Variants in PARG observed in about 807,000 individuals in gnomAD.
PARG encodes mitochondrial poly(ADP-ribose) glycohydrolase.
A neutral mutation model predicts 113.0 loss-of-function variants in PARG; 35 were observed. The observed-to-expected ratio is 0.31, with a 90% CI of 0.24 to 0.41. PARG has a LOEUF of 0.41. PARG is among the 10% of genes least tolerant of loss of function. The pLI is 1.00. For missense variants in PARG, 797 were observed against 1,169.4 expected (o/e 0.68, Z 4.64); for synonymous variants, 330 against 409.9 (o/e 0.81, Z 2.36).
intron 16 of PARG, among the ~76,000 whole-genome samples, chr10:49,823,490 T>C (rs538357043): frequency 6.0e-4 from 92 of 152,294 alleles, no homozygotes; most frequent in African/African-American, 2.2e-3. Flanking sequence ...GTGCCATGAC[T>C]ATGCCTCATT....
chr10:49,828,661 A>G (rs1405308545), intron 16 of PARG, among the ~76,000 whole-genome samples: 1 of 152,206 alleles, frequency 6.6e-6, no homozygotes, highest in Admixed American at 6.5e-5. Flanking sequence ...GAACTAATAT[A>G]TTAAAAATGT....
intron 15 of PARG, among the ~76,000 whole-genome samples, chr10:49,840,245 A>C (rs1348865962): frequency 1.1e-4 from 17 of 152,158 alleles, no homozygotes; most frequent in African/African-American, 4.1e-4. Context: ...AAAATTAGCC[A>C]GGTGTGGTGG....
At chr10:49,864,113 C>T (rs1464962459) in intron 11 of PARG, among the ~76,000 whole-genome samples, 148 of 151,460 alleles carry the variant, frequency 9.8e-4, no homozygotes, top group African/African-American at 3.4e-3. Context: ...TACGAAACAG[C>T]GGATCTGCCA....
intron 16 of PARG, among the ~76,000 whole-genome samples, chr10:49,822,052 A>T (rs1335696694): frequency 2.0e-5 from 3 of 152,202 alleles, no homozygotes; most frequent in Non-Finnish European, 4.4e-5. Context: ...TTTGAATTGT[A>T]TTAGAGGAAT....
chr10:49,876,734 C>G (rs1368214344), intron 9 of PARG, among the ~76,000 whole-genome samples: 1 of 151,418 alleles, frequency 6.6e-6, no homozygotes, highest in Admixed American at 6.6e-5. Context: ...AGTAAGAACT[C>G]AGAAACTGGC....
chr10:49,863,480 CA>C (rs1333611906), intron 11 of PARG, among the ~76,000 whole-genome samples: 1 of 60,244 alleles, frequency 1.7e-5, no homozygotes, highest in Non-Finnish European at 3.6e-5. Context: ...CACTTAGAGG[CA>C]AAGTTACTGT....
intron 4 of PARG, among the ~76,000 whole-genome samples, chr10:49,931,788 T>C (rs1436001351): frequency 1.3e-5 from 2 of 151,794 alleles, no homozygotes; most frequent in Non-Finnish European, 2.9e-5. Flanking sequence ...TGCAGGATTC[T>C]GCAGTCAGTA....
intron 12 of PARG, among the ~76,000 whole-genome samples, chr10:49,859,078 T>C (rs1425381158): frequency 1.8e-4 from 26 of 146,136 alleles, no homozygotes; most frequent in African/African-American, 6.6e-4. Flanking sequence ...GGGAGGAAGA[T>C]AGGAAAGCTT....
chr10:49,904,913 C>T (rs1305636514), intron 7 of PARG, among the ~76,000 whole-genome samples: 2 of 118,212 alleles, frequency 1.7e-5, no homozygotes, highest in Admixed American at 1.8e-4. Flanking sequence ...AAGAGAACAT[C>T]TCAAAAATAA....
chr10:49,920,463 A>AAAAAATATAT (rs1431747248), intron 6 of PARG, among the ~76,000 whole-genome samples: 1 of 47,986 alleles, frequency 2.1e-5, no homozygotes, highest in African/African-American at 5.0e-5. Flanking sequence ...AAAAAAAAAA[A>AAAAAATATAT]ATATATATAT....
chr10:49,895,404 A>G (rs1292639790), intron 7 of PARG, among the ~76,000 whole-genome samples: 1 of 151,456 alleles, frequency 6.6e-6, no homozygotes, highest in Non-Finnish European at 1.5e-5. Flanking sequence ...GGGAGAACTG[A>G]TATCTTTTTT....
rs782602800 is a variant in PARG, at chr10:49,832,922, G to T, written c.2542-14C>A. 31 of 1,437,130 alleles carry T rather than the reference G, an allele frequency of 2.2e-5. No homozygotes were observed. The highest frequency in any genetic ancestry group is 5.7e-5 in the African/African-American group (4 of 70,516). The allele number at this position is 1,437,130 out of a possible 1,614,324, so 89.0% of individuals were successfully genotyped here. A position where few individuals can be genotyped will look rare whatever the true frequency, so the allele number is the denominator to read the frequency against. ...TCCACAGTAAGCCTGCAGGATAAAAGAATTATCAAAGCCTGTGAGTGCCTA... is the reference window on the plus strand; with the variant it reads ...TCCACAGTAAGCCTGCAGGATAAAATAATTATCAAAGCCTGTGAGTGCCTA... On this transcript the variant is annotated splice_polypyrimidine_tract_variant and intron_variant, in intron 15 of 17. Coordinates refer to ENST00000616448, the MANE Select transcript of PARG (RefSeq NM_003631.5).
intron 4 of PARG, among the ~76,000 whole-genome samples, chr10:49,926,327 C>G (rs1174166409): frequency 6.6e-6 from 1 of 151,790 alleles, no homozygotes; most frequent in East Asian, 1.9e-4. Context: ...AAATTCCAGG[C>G]ACCTATCTAG....
chr10:49,892,523 T>C (rs539460277), intron 7 of PARG, among the ~76,000 whole-genome samples: 1 of 152,274 alleles, frequency 6.6e-6, no homozygotes, highest in Admixed American at 6.5e-5. Context: ...TATTCCAAAG[T>C]AGAGAAGTAC....
At chr10:49,936,669 T>A (rs1341750083) in intron 1 of PARG, among the ~76,000 whole-genome samples, 2 of 152,196 alleles carry the variant, frequency 1.3e-5, no homozygotes, top group African/African-American at 4.8e-5. Context: ...AGATTTGAGA[T>A]ACTCACTAAA....
chr10:49,915,969 A>C lies in PARG; in HGVS notation c.1685T>G (p.Val562Gly). 6.5e-7 allele frequency: 1 copy of C among 1,542,918 alleles called. No individual in the cohort carries two copies. Among genetic ancestry groups the C allele is most frequent in the Non-Finnish European group, 8.8e-7 (1 of 1,138,434 alleles). The change falls in exon 7 of 18, where the codon GTG (valine) becomes GGG (glycine). Residue 562 changes from valine to glycine, a missense_variant. Around this residue, in one of 5 missense-constraint regions of PARG, gnomAD observed 252 missense variants for 437.4 expected, o/e 0.58. Transcript: ENST00000616448. ...NLKDAILKYN[V>G]AYSKKWDFTA... ...AAAGTCCCATTTCTTAGAATATGCCACATTGTATTTCAGAATAGCATCCTG... is the reference window on the plus strand; with the variant it reads ...AAAGTCCCATTTCTTAGAATATGCCCCATTGTATTTCAGAATAGCATCCTG...
intron 9 of PARG, among the ~76,000 whole-genome samples, chr10:49,869,951 C>A (rs1484914393): frequency 2.6e-5 from 4 of 151,618 alleles, no homozygotes; most frequent in Non-Finnish European, 2.9e-5. Context: ...AAAACGGTAT[C>A]AAAAAAAATC....
intron 15 of PARG, among the ~76,000 whole-genome samples, chr10:49,840,023 A>T (rs1166938182): frequency 6.6e-6 from 1 of 152,356 alleles, no homozygotes; most frequent in African/African-American, 2.4e-5. Context: ...TACTGGGGAC[A>T]ATTGCTTTAA....
At chr10:49,864,879 G>A (rs1310275338) in intron 11 of PARG, among the ~76,000 whole-genome samples, 2 of 135,618 alleles carry the variant, frequency 1.5e-5, no homozygotes, top group Admixed American at 1.5e-4. Context: ...GCCACTCGAC[G>A]AACTCTAGAT....
Sources: gnomAD v4.1 joint callset for allele counts (sites outside exome capture counted in the v4.1 genomes callset) on GRCh38, gnomAD v4.1.1 for gene constraint, gnomAD v4.1.1 regional missense constraint, MANE v1.5 for transcripts, NCBI Gene and HGNC (gene_info 2026-07-23, HGNC 2026-07-21) for gene names.